The following NBPF15 variants were observed in gnomAD, a reference collection of about 807,000 sequenced individuals.
The protein encoded by NBPF15 is NBPF family member NBPF15.
NBPF15 carries 74 observed loss-of-function variants against 62.2 expected under a neutral mutation model. The observed-to-expected ratio is 1.19, with a 90% CI of 0.99 to 1.44. NBPF15 has a LOEUF of 1.44. Ranked by LOEUF, NBPF15 falls within the 40% of genes most tolerant of loss-of-function variation. NBPF15 has a pLI of 0.00. For synonymous variants in NBPF15, 244 were observed against 209.7 expected, an observed-to-expected ratio of 1.16 and a Z score of -1.41; for missense variants, 790 against 550.0, an observed-to-expected ratio of 1.44 and a Z score of -4.36.
Position 144,459,386 on chromosome 1 carries a change from G to C in NBPF15, c.-721C>G, listed in dbSNP as rs1329755802. 6.6e-6 allele frequency: 1 copy of C among 152,020 alleles called. No homozygotes were observed. 9.4% of individuals were successfully genotyped at this position (152,020 alleles called of 1,614,324 possible). On this transcript the variant is annotated 5_prime_UTR_variant, in exon 3 of 22. Coordinates refer to ENST00000581897, the MANE Select transcript of NBPF15 (RefSeq NM_001385408.1). ...CTCACCTGTAGGTCCCAGCTACTTG[G>C]GGGCTGAGGCAGGAGGATCACCTGA... is the stretch of plus-strand genomic sequence containing the variant.
intron 3 of NBPF15, 75 bp from the exon 4 acceptor site, chr1:144,456,880 G>A (rs376460122): frequency 0.089 from 15,018 of 168,450 alleles, 1,853 homozygotes; most frequent in African/African-American, 0.29. Context: ...TGGAGCTGCC[G>A]TTTACGGAGA....
At chr1:144,447,237 C>T (rs1222577916) in intron 6 of NBPF15, among the ~76,000 whole-genome samples, 19 of 152,210 alleles carry the variant, frequency 1.2e-4, no homozygotes, top group Admixed American at 7.2e-4. Flanking sequence ...ACACGCACGC[C>T]GCTGTTCCCC....
At chr1:144,428,970 G>A (rs1226709405) in intron 14 of NBPF15, among the ~76,000 whole-genome samples, 1 of 151,972 alleles carries the variant, frequency 6.6e-6, no homozygotes, top group Non-Finnish European at 1.5e-5. Flanking sequence ...CACCTCATAG[G>A]AGAGATACTT....
rs1207048567 is a variant in NBPF15 at position 144,425,667 on chromosome 1, A to C, written c.1439-99T>G. ...CCCACACAGGGATCTCAGGCTTCTC[A>C]GCATGAGAACAGGACAATGTGAGAG... On this transcript the variant is annotated intron_variant, in intron 18 of 21. Transcript: ENST00000581897. 1.5e-5 allele frequency: 9 copies of C among 608,880 alleles called. No individual in the cohort carries two copies. The African/African-American group carries it at 1.9e-4, about 13-fold the overall frequency. The allele number at this position is 608,880 out of a possible 1,614,324, so 37.7% of individuals were successfully genotyped here.
In NBPF15 at chr1:144,440,161, C is replaced by G. The variant is rs1681731699; in HGVS notation, c.-56G>C. The G allele has an allele frequency of 1.9e-6, 3 of 1,570,306 alleles. No homozygotes were observed. The highest frequency in any genetic ancestry group is 3.5e-5 in the Admixed American group (2 of 56,908). On this transcript the variant is annotated 5_prime_UTR_variant, in exon 7 of 22. Coordinates refer to ENST00000581897, the MANE Select transcript of NBPF15 (RefSeq NM_001385408.1). ...CTTACTGTTGTCAAAAATGTGATCA[C>G]TCCCCACAGCACTTTAGGATCCTTC...
intron 3 of NBPF15, among the ~76,000 whole-genome samples, chr1:144,458,761 C>T (rs1199195445): frequency 6.9e-5 from 10 of 145,362 alleles, no homozygotes; most frequent in East Asian, 4.0e-4. Context: ...GAATCATAGC[C>T]GGGTGGGGTG....
At chr1:144,433,175 A>G (rs1169951878) in intron 13 of NBPF15, among the ~76,000 whole-genome samples, 1 of 152,050 alleles carries the variant, frequency 6.6e-6, no homozygotes, top group African/African-American at 2.4e-5. Context: ...CTACATGGAA[A>G]CTCAACAACC....
rs1412116843 is a variant in NBPF15 at position 144,459,357 on chromosome 1, G to A, written c.-701+9C>T. On this transcript the variant is annotated intron_variant, in intron 3 of 21. Transcript: ENST00000581897. ...AATACAGAAAAGAGCTGAGTGTGGT[G>A]GTGCTCACCTGTAGGTCCCAGCTAC... 4.6e-5 allele frequency: 7 copies of A among 151,970 alleles called. No individual in the cohort carries two copies. Among genetic ancestry groups the A allele is most frequent in the Non-Finnish European group, 1.0e-4 (7 of 67,988 alleles). The allele number at this position is 151,970 out of a possible 1,614,324, so 9.4% of individuals were successfully genotyped here. A position where few individuals can be genotyped will look rare whatever the true frequency, so the allele number is the denominator to read the frequency against.
In NBPF15 at chr1:144,426,268, A is replaced by G. The variant is rs1250897499; in HGVS notation, c.1438+10T>C. ...GTGGAGGCTTATCACCTTCACAGTA[A>G]GGTACTCACTGTCCACGTCAAGAGC... On this transcript the variant is annotated intron_variant, in intron 18 of 21. Transcript: ENST00000581897. 6.9e-6 allele frequency: 4 copies of G among 579,122 alleles called. No individual in the cohort carries two copies. Among genetic ancestry groups the G allele is most frequent in the Non-Finnish European group, 1.2e-5 (4 of 328,896 alleles). The allele number at this position is 579,122 out of a possible 1,614,324, so 35.9% of individuals were successfully genotyped here. A position where few individuals can be genotyped will look rare whatever the true frequency, so the allele number is the denominator to read the frequency against.
At chr1:144,428,254 G>A (rs1402223925) in intron 15 of NBPF15, among the ~76,000 whole-genome samples, 2 of 151,366 alleles carry the variant, frequency 1.3e-5, no homozygotes, top group Non-Finnish European at 1.5e-5. Flanking sequence ...CACTGATGAG[G>A]GAATCAAAGG....
Position 144,423,010 on chromosome 1 carries a change from T to G in NBPF15, c.*3A>C. 6.2e-7 allele frequency: 1 copy of G among 1,611,670 alleles called. No individual in the cohort carries two copies. ...TGACATCTCTCGGCTTAGTAAGAGC[T>G]GCTTATTGTGGGAATATGACTCCCA... On this transcript the variant is annotated 3_prime_UTR_variant, in exon 22 of 22. Coordinates refer to ENST00000581897, the MANE Select transcript of NBPF15 (RefSeq NM_001385408.1).
At chr1:144,461,214 G>C (rs1444599869) in intron 1 of NBPF15, among the ~76,000 whole-genome samples, 167 bp downstream of exon 1, 1 of 152,054 alleles carries the variant, frequency 6.6e-6, no homozygotes, top group African/African-American at 2.4e-5. Flanking sequence ...GGAGGGCTGC[G>C]GGCGGCAGCG....
intron 6 of NBPF15, among the ~76,000 whole-genome samples, chr1:144,443,161 C>A (rs1684818232): frequency 6.6e-6 from 1 of 151,778 alleles, no homozygotes; most frequent in African/African-American, 2.4e-5. Flanking sequence ...TGGACAGACA[C>A]CTTCCCCCAC....
At chr1:144,442,164 A>ATATATATATATAATATATATATACACGTG in intron 6 of NBPF15, among the ~76,000 whole-genome samples, 1 of 658 alleles carries the variant, frequency 1.5e-3, no homozygotes, top group Non-Finnish European at 2.9e-3. Flanking sequence ...ATACACGTGT[A>ATATATATATATAATATATATATACACGTG]TATATATATA....
At chr1:144,424,255 A>C (rs201819941) in intron 20 of NBPF15, among the ~76,000 whole-genome samples, 1 of 151,610 alleles carries the variant, frequency 6.6e-6, no homozygotes, top group Admixed American at 6.6e-5. Context: ...TTTCCAATCA[A>C]TTTAAAGCAA....
At chr1:144,452,097 A>G (rs1211261990) in intron 4 of NBPF15, among the ~76,000 whole-genome samples, 18 of 151,716 alleles carry the variant, frequency 1.2e-4, no homozygotes, top group Non-Finnish European at 1.5e-5. Flanking sequence ...GGTTGCAGTG[A>G]GCTGAGATGG....
chr1:144,424,253 C>A (rs1240720116), intron 20 of NBPF15, among the ~76,000 whole-genome samples: 9 of 151,834 alleles, frequency 5.9e-5, no homozygotes, highest in Non-Finnish European at 1.3e-4. Flanking sequence ...TTTTTCCAAT[C>A]AATTTAAAGC....
At chr1:144,453,373 T>A (rs587717258) in intron 4 of NBPF15, among the ~76,000 whole-genome samples, 1 of 151,822 alleles carries the variant, frequency 6.6e-6, no homozygotes, top group Admixed American at 6.6e-5. Flanking sequence ...ACCATAAGAA[T>A]CCTAGGAGAT....
At chr1:144,432,046 T>C (rs1281211028) in intron 13 of NBPF15, among the ~76,000 whole-genome samples, 1 of 152,026 alleles carries the variant, frequency 6.6e-6, no homozygotes, top group Non-Finnish European at 1.5e-5. Flanking sequence ...TTTCTAGTTC[T>C]AGATCCCTGA....
Sources: allele counts gnomAD v4.1 joint callset (sites outside exome capture counted in the v4.1 genomes callset), GRCh38; gene constraint gnomAD v4.1.1; transcripts MANE v1.5; gene names NCBI Gene and HGNC (gene_info 2026-07-23, HGNC 2026-07-21).